The following LAMA2 variants were observed in gnomAD, a reference collection of about 807,000 sequenced individuals.
The protein encoded by LAMA2 is laminin subunit alpha-2.
LAMA2 carries 269 observed loss-of-function variants against 364.8 expected under a neutral mutation model. The ratio of observed to expected loss-of-function variants is 0.74; its 90% CI spans 0.67 to 0.82. The LOEUF is 0.82. Ranked by LOEUF, LAMA2 falls within the 40% of genes least tolerant of loss-of-function variation. The pLI, the probability that LAMA2 is intolerant of heterozygous loss-of-function variation, is 0.00. For missense variants in LAMA2, 3,807 were observed against 3,873.2 expected, an observed-to-expected ratio of 0.98 and a Z score of 0.45; for synonymous variants, 1,379 against 1,370.6, an observed-to-expected ratio of 1.01 and a Z score of -0.14.
At chr6:129,477,069 A>C (rs1784102726) in intron 53 of LAMA2, among the ~76,000 whole-genome samples, 1 of 152,204 alleles carries the variant, frequency 6.6e-6, no homozygotes. Flanking sequence ...ACTACAATAT[A>C]TTGATGCCGA....
Position 129,192,882 on chromosome 6 carries a change from TG to T in LAMA2, c.1782+30del, listed in dbSNP as rs757586235. The T allele has an allele frequency of 3.7e-6, 6 of 1,605,560 alleles. No homozygotes were observed. In the Admixed American group the frequency reaches 1.0e-4, roughly 27 times the overall value. On this transcript the variant is annotated intron_variant, in intron 12 of 64. Transcript: ENST00000421865. Reference sequence around the variant, plus strand: ...AGTCCACGCTTGCTTCCCGCTATTCTGCTTTAACTGACTGATCGTGAGAATG... The same window carrying T: ...AGTCCACGCTTGCTTCCCGCTATTCTCTTTAACTGACTGATCGTGAGAATG...
At chr6:129,466,390 G>A (rs564047497) in intron 51 of LAMA2, among the ~76,000 whole-genome samples, 1 of 152,010 alleles carries the variant, frequency 6.6e-6, no homozygotes, top group East Asian at 1.9e-4. Flanking sequence ...AAGCATGTAT[G>A]GACATTTCAG....
chr6:129,025,227 A>T (rs1785728521), intron 1 of LAMA2, among the ~76,000 whole-genome samples: 5 of 152,252 alleles, frequency 3.3e-5, no homozygotes, highest in Non-Finnish European at 7.3e-5. Flanking sequence ...TTTTTACATA[A>T]AGTACATCTT....
At chr6:129,475,451 A>G in intron 53 of LAMA2, 50 bp downstream of exon 53, 1 of 1,460,282 alleles carries the variant, frequency 6.8e-7, no homozygotes, top group Non-Finnish European at 9.5e-7. Context: ...GGTTGGGTAA[A>G]TGTGGCTTCT....
At chr6:129,005,459 C>A (rs1466618367) in intron 1 of LAMA2, among the ~76,000 whole-genome samples, 1 of 151,678 alleles carries the variant, frequency 6.6e-6, no homozygotes, top group African/African-American at 2.4e-5. Flanking sequence ...CAAAGAAAAC[C>A]TGCTTTTTAA....
At chr6:129,222,805 A>G (rs930132962) in intron 12 of LAMA2, among the ~76,000 whole-genome samples, 1 of 152,004 alleles carries the variant, frequency 6.6e-6, no homozygotes, top group African/African-American at 2.4e-5. Context: ...ATAAACATAC[A>G]TGTGCATGTG....
intron 18 of LAMA2, among the ~76,000 whole-genome samples, chr6:129,285,958 A>T: frequency 6.6e-6 from 1 of 152,128 alleles, no homozygotes; most frequent in East Asian, 1.9e-4. Context: ...CATCAAATCT[A>T]TGAATTATAG....
At position 129,349,230 on chromosome 6, in the gene LAMA2, G is replaced by T. The variant is rs1776723354; in HGVS notation, c.4437-68G>T. ...GTATGTCCCAATAACCTTGATCATGGATAGGAATACTATTTTATAAAATAA... is the reference window on the plus strand; with the variant it reads ...GTATGTCCCAATAACCTTGATCATGTATAGGAATACTATTTTATAAAATAA... On this transcript the variant is annotated intron_variant, in intron 30 of 64. Coordinates refer to ENST00000421865, the MANE Select transcript of LAMA2 (RefSeq NM_000426.4). 4 of 1,215,826 alleles carry T rather than the reference G, an allele frequency of 3.3e-6. No homozygotes were observed. In the South Asian group the frequency reaches 3.7e-5, roughly 11 times the overall value. The allele number at this position is 1,215,826 out of a possible 1,614,324, so 75.3% of individuals were successfully genotyped here.
At chr6:129,210,369 A>G (rs1783016122) in intron 12 of LAMA2, among the ~76,000 whole-genome samples, 1 of 151,504 alleles carries the variant, frequency 6.6e-6, no homozygotes, top group Non-Finnish European at 1.5e-5. Context: ...TTTATTTATC[A>G]ATCTCATTAG....
intron 27 of LAMA2, among the ~76,000 whole-genome samples, chr6:129,317,796 C>G (rs905236065): frequency 1.4e-4 from 22 of 151,958 alleles, no homozygotes; most frequent in African/African-American, 4.3e-4. Flanking sequence ...AACAGAACAT[C>G]TTGTTAGTGG....
rs529613188 is a variant in LAMA2 at position 129,169,108 on chromosome 6, C to G, written c.1306+3433C>G. On this transcript the variant is annotated intron_variant, in intron 9 of 64. Coordinates refer to ENST00000421865, the MANE Select transcript of LAMA2 (RefSeq NM_000426.4). ...GATATACAATCATGTCGTCTGCAAA[C>G]GGGGACAATTTGACTTCCTCTTTTC... 3.7e-3 allele frequency among the ~76,000 whole-genome samples: 559 copies of G among 151,658 alleles called. 3 individuals are homozygous for G. The highest frequency in any genetic ancestry group is 0.012 in the African/African-American group (509 of 41,056).
chr6:129,443,765 T>TA (rs1022851819), intron 44 of LAMA2, among the ~76,000 whole-genome samples: 4 of 152,126 alleles, frequency 2.6e-5, no homozygotes, highest in South Asian at 2.1e-4. Flanking sequence ...CAAGAAAAAC[T>TA]AAAAAAATAG....
chr6:129,116,251 T>G (rs1321300874), intron 4 of LAMA2, among the ~76,000 whole-genome samples: 1 of 152,178 alleles, frequency 6.6e-6, no homozygotes, highest in Non-Finnish European at 1.5e-5. Flanking sequence ...TCCCAGCTAT[T>G]AAACTGGCAG....
chr6:129,445,705 G>A lies in LAMA2; in HGVS notation c.6313G>A (p.Glu2105Lys), dbSNP rs1466915850. ...TGCCACTGTCAAAAATTTAGAACAG[G>A]AAGCTGACCGGCTAATAGATAAACT... ...ADATVKNLEQ[E>K]ADRLIDKLKP... The change falls in exon 45 of 65, where the codon GAA becomes AAA. Residue 2105 changes from glutamate to lysine, a missense_variant. Glu to Lys is a moderately conservative substitution (Grantham distance 56). This residue lies in a region of LAMA2 where 3,333 missense variants were observed against 3,345.7 expected (regional missense o/e 1.00). Transcript: ENST00000421865. 6.2e-7 allele frequency: 1 copy of A among 1,613,938 alleles called. No homozygotes were observed. The highest frequency in any genetic ancestry group is 1.1e-5 in the South Asian group (1 of 91,074).
intron 29 of LAMA2, among the ~76,000 whole-genome samples, chr6:129,339,152 G>A (rs1321815569): frequency 6.6e-6 from 1 of 152,148 alleles, no homozygotes; most frequent in African/African-American, 2.4e-5. Context: ...ATGGAGACAG[G>A]ATCTTTAGCT....
At chr6:129,282,283 T>C (rs1031231058) in intron 18 of LAMA2, among the ~76,000 whole-genome samples, 4 of 152,210 alleles carry the variant, frequency 2.6e-5, no homozygotes, top group Admixed American at 2.0e-4. Flanking sequence ...TATGTGGCCA[T>C]AAACCCTCTG....
At chr6:128,913,187 T>C (rs1034650651) in intron 1 of LAMA2, among the ~76,000 whole-genome samples, 14 of 152,216 alleles carry the variant, frequency 9.2e-5, no homozygotes, top group African/African-American at 3.1e-4. Context: ...GTCACTGGCA[T>C]TGATGAGTCT....
intron 12 of LAMA2, among the ~76,000 whole-genome samples, chr6:129,226,980 G>T (rs1302702109): frequency 6.6e-6 from 1 of 152,200 alleles, no homozygotes; most frequent in African/African-American, 2.4e-5. Context: ...ATCAGGCATA[G>T]ATTTGGTCTT....
intron 37 of LAMA2, among the ~76,000 whole-genome samples, chr6:129,396,802 C>T (rs1257613173): frequency 6.6e-6 from 1 of 151,564 alleles, no homozygotes; most frequent in Admixed American, 6.6e-5. Flanking sequence ...ATGGTGACAC[C>T]CTATCTCTAT....
Sources: gnomAD v4.1 joint callset for allele counts (sites outside exome capture counted in the v4.1 genomes callset) on GRCh38, gnomAD v4.1.1 for gene constraint, gnomAD v4.1.1 regional missense constraint, MANE v1.5 for transcripts, NCBI Gene and HGNC (gene_info 2026-07-23, HGNC 2026-07-21) for gene names.